Variants in HAUS6 observed in about 807,000 individuals in gnomAD.
The protein encoded by HAUS6 is HAUS augmin like complex subunit 6.
A neutral mutation model predicts 106.8 loss-of-function variants in HAUS6; 80 were observed. The observed-to-expected ratio is 0.75, with a 90% CI of 0.63 to 0.90. The LOEUF is 0.90. Ranked by LOEUF, HAUS6 falls within the 40% of genes least tolerant of loss-of-function variation. The pLI is 0.00. For synonymous variants in HAUS6, 356 were observed against 379.1 expected, an observed-to-expected ratio of 0.94 and a Z score of 0.71; for missense variants, 1,155 against 1,118.1, an observed-to-expected ratio of 1.03 and a Z score of -0.47.
Position 19,089,462 on chromosome 9 carries a change from T to C in HAUS6, c.534A>G (p.Gln178=). ...TAACACAATCTTGTCTTTGCAAAAT[T>C]TGTAAAAATCTGCTACGTGCGAAAT... The part of the protein sequence containing the change: ...RCHFARSRFL[Q]ILQRQDCVTQ... Residue 178 remains glutamine, a synonymous_variant, in exon 5 of 17, where the codon CAA becomes CAG. Coordinates refer to ENST00000380502, the MANE Select transcript of HAUS6 (RefSeq NM_017645.5). 1.2e-6 allele frequency: 2 copies of C among 1,612,786 alleles called. No homozygotes were observed. Among genetic ancestry groups the C allele is most frequent in the South Asian group, 1.1e-5 (1 of 91,048 alleles).
In HAUS6 at chr9:19,102,883, A is replaced by C; in HGVS notation, c.-232T>G. ...CCACTGCCTCAGCGAAGCCACCACA[A>C]ACCGAGACTCCCGCCCTTAAGGAAG... On this transcript the variant is annotated 5_prime_UTR_variant, in exon 1 of 17. Transcript: ENST00000380502. The C allele has an allele frequency of 5.2e-6, 2 of 385,150 alleles. No individual in the cohort carries two copies. The highest frequency in any genetic ancestry group is 4.5e-5 in the East Asian group (1 of 22,456). 23.9% of individuals were successfully genotyped at this position (385,150 alleles called of 1,614,324 possible). A position where few individuals can be genotyped will look rare whatever the true frequency, so the allele number is the denominator to read the frequency against.
chr9:19,062,073 A>G (rs1225237585), intron 14 of HAUS6, among the ~76,000 whole-genome samples: 2 of 152,268 alleles, frequency 1.3e-5, no homozygotes, highest in Admixed American at 1.3e-4. Context: ...ACATTAGCAA[A>G]TAACTTCAGA....
At chr9:19,074,982 A>C (rs1005749157) in intron 11 of HAUS6, among the ~76,000 whole-genome samples, 4 of 152,230 alleles carry the variant, frequency 2.6e-5, no homozygotes, top group African/African-American at 9.6e-5. Flanking sequence ...AGGTGAAAAC[A>C]ACCCAAATGT....
At chr9:19,069,657 C>G (rs1169200579) in intron 12 of HAUS6, among the ~76,000 whole-genome samples, 1 of 151,956 alleles carries the variant, frequency 6.6e-6, no homozygotes, top group African/African-American at 2.4e-5. Context: ...CAAAATCGTG[C>G]CATTGCACTC....
chr9:19,093,138 C>A, intron 4 of HAUS6, 33 bp downstream of exon 4: 1 of 1,387,806 alleles, frequency 7.2e-7, no homozygotes, highest in Non-Finnish European at 9.9e-7. Context: ...ATTTAAGAAT[C>A]AAAACAAAAA....
At position 19,089,497 on chromosome 9, in the gene HAUS6, C is replaced by T; in HGVS notation, c.499G>A (p.Ala167Thr). The T allele has an allele frequency of 6.2e-7, 1 of 1,608,436 alleles. No homozygotes were observed. The highest frequency in any genetic ancestry group is 2.2e-5 in the East Asian group (1 of 44,822). The change falls in exon 5 of 17, where the codon GCC becomes ACC. Residue 167 changes from alanine to threonine, a missense_variant. By Grantham distance (58) the Ala-to-Thr change is moderately conservative. This residue lies in a region of HAUS6 where 761 missense variants were observed against 690.0 expected (regional missense o/e 1.10). Transcript: ENST00000380502. ...CTGCTACGTGCGAAATGGCATCTGG[C>T]AATGCATTTGTGCAAGTCCTGTGGT... ...IKPQDLHKCI[A>T]RCHFARSRFL...
intron 4 of HAUS6, among the ~76,000 whole-genome samples, chr9:19,090,335 A>G (rs968963890): frequency 6.6e-6 from 1 of 152,132 alleles, no homozygotes; most frequent in African/African-American, 2.4e-5. Flanking sequence ...TCAAATTATA[A>G]TAAGAGCTAC....
At chr9:19,070,935 C>G (rs1252527984) in intron 11 of HAUS6, among the ~76,000 whole-genome samples, 1 of 152,146 alleles carries the variant, frequency 6.6e-6, no homozygotes, top group Non-Finnish European at 1.5e-5. Context: ...GAACGAGGTA[C>G]AAGTTGCTAT....
chr9:19,090,763 C>T (rs932447470), intron 4 of HAUS6, among the ~76,000 whole-genome samples: 2 of 152,154 alleles, frequency 1.3e-5, no homozygotes, highest in African/African-American at 4.8e-5. Flanking sequence ...CCTAGTAAGA[C>T]CAATAGGACA....
At chr9:19,086,641 G>A (rs925833015) in intron 7 of HAUS6, 93 bp downstream of exon 7, 3 of 587,200 alleles carry the variant, frequency 5.1e-6, no homozygotes, top group Non-Finnish European at 9.1e-6. Flanking sequence ...AAAAAAAGTG[G>A]TAAATAGACT....
At chr9:19,102,255 G>A (rs568338752) in intron 1 of HAUS6, among the ~76,000 whole-genome samples, 1 of 152,232 alleles carries the variant, frequency 6.6e-6, no homozygotes, top group East Asian at 1.9e-4. Flanking sequence ...CATAGGCAGA[G>A]TTAAGCTGCT....
intron 12 of HAUS6, among the ~76,000 whole-genome samples, chr9:19,065,886 T>A (rs766704614): frequency 6.6e-6 from 1 of 152,110 alleles, no homozygotes; most frequent in Non-Finnish European, 1.5e-5. Flanking sequence ...GAATTCTGCA[T>A]TTTAAAATTT....
At chr9:19,084,191 A>C (rs1206144338) in intron 7 of HAUS6, among the ~76,000 whole-genome samples, 1 of 152,232 alleles carries the variant, frequency 6.6e-6, no homozygotes, top group East Asian at 1.9e-4. Context: ...AGCAATGAGA[A>C]TAAACATACT....
At chr9:19,100,730 T>C (rs939140177) in intron 1 of HAUS6, among the ~76,000 whole-genome samples, 2 of 152,218 alleles carry the variant, frequency 1.3e-5, no homozygotes, top group East Asian at 1.9e-4. Flanking sequence ...TTGTGGTATA[T>C]ATACACAATG....
At chr9:19,100,306 C>T (rs1182136609) in intron 1 of HAUS6, among the ~76,000 whole-genome samples, 1 of 152,182 alleles carries the variant, frequency 6.6e-6, no homozygotes, top group Non-Finnish European at 1.5e-5. Flanking sequence ...ATGGAGGCTG[C>T]AGTGAGCCAC....
At chr9:19,066,667 T>A (rs1055928834) in intron 12 of HAUS6, among the ~76,000 whole-genome samples, 2 of 151,892 alleles carry the variant, frequency 1.3e-5, no homozygotes, top group African/African-American at 4.8e-5. Flanking sequence ...AATTCTGGTT[T>A]TAAGTATAAT....
intron 1 of HAUS6, among the ~76,000 whole-genome samples, chr9:19,098,023 C>T (rs929941520): frequency 2.0e-5 from 3 of 152,198 alleles, no homozygotes; most frequent in African/African-American, 4.8e-5. Flanking sequence ...TTCCATCTAT[C>T]CTACTTCCTT....
intron 4 of HAUS6, among the ~76,000 whole-genome samples, chr9:19,092,903 C>G (rs1350406314): frequency 1.7e-5 from 2 of 120,678 alleles, no homozygotes; most frequent in Non-Finnish European, 3.6e-5. Flanking sequence ...CCAGCTTGAG[C>G]GAAACTGTGT....
intron 2 of HAUS6, among the ~76,000 whole-genome samples, chr9:19,096,401 A>G (rs1817862753): frequency 6.6e-6 from 1 of 151,954 alleles, no homozygotes; most frequent in African/African-American, 2.4e-5. Context: ...CCCAGCTCCA[A>G]TAAAAATGCA....
Sources: gnomAD v4.1 joint callset for allele counts (sites outside exome capture counted in the v4.1 genomes callset) on GRCh38, gnomAD v4.1.1 for gene constraint, gnomAD v4.1.1 regional missense constraint, MANE v1.5 for transcripts, NCBI Gene and HGNC (gene_info 2026-07-23, HGNC 2026-07-21) for gene names.